COMMD1: variants seen among roughly 807,000 people sequenced by gnomAD.
The protein encoded by COMMD1 is copper metabolism domain containing 1, also known as COMM domain-containing protein 1.
In COMMD1, 10 loss-of-function variants were observed where a neutral mutation model predicts 17.2. The ratio of observed to expected loss-of-function variants is 0.58; its 90% CI spans 0.36 to 0.99. The LOEUF (loss-of-function observed/expected upper bound fraction) is 0.99, where lower values mean the gene tolerates loss of function less well. Ranked by LOEUF, COMMD1 falls within the 50% of genes least tolerant of loss-of-function variation. The pLI is 0.01. For synonymous variants in COMMD1, 97 were observed against 91.6 expected (o/e 1.06, Z -0.34); for missense variants, 270 against 231.8 (o/e 1.17, Z -1.07).
At chr2:62,066,674 T>C (rs1558584363) in intron 2 of COMMD1, among the ~76,000 whole-genome samples, 2 of 151,328 alleles carry the variant, frequency 1.3e-5, no homozygotes, top group Non-Finnish European at 1.5e-5. Context: ...GTGCTGGGAT[T>C]ACAGGTGTGA....
At chr2:61,892,191 C>T (rs1260395055) in intron 1 of COMMD1, among the ~76,000 whole-genome samples, 4 of 151,862 alleles carry the variant, frequency 2.6e-5, no homozygotes, top group African/African-American at 9.7e-5. Context: ...AACAAAAATA[C>T]TTTCCTGTCA....
At chr2:62,056,491 C>T (rs1670704643) in intron 2 of COMMD1, among the ~76,000 whole-genome samples, 1 of 152,212 alleles carries the variant, frequency 6.6e-6, no homozygotes, top group African/African-American at 2.4e-5. Context: ...CATATTCAAC[C>T]TGTTCAGCGA....
At chr2:61,889,033 G>C (rs948018363) in intron 1 of COMMD1, among the ~76,000 whole-genome samples, 1 of 150,290 alleles carries the variant, frequency 6.7e-6, no homozygotes, top group African/African-American at 2.5e-5. Context: ...CTCCCGAGTA[G>C]CTGGGATTAC....
chr2:61,964,968 G>A (rs895441180), intron 1 of COMMD1, among the ~76,000 whole-genome samples: 3 of 152,108 alleles, frequency 2.0e-5, no homozygotes, highest in Non-Finnish European at 4.4e-5. Context: ...CCTGGGAGGC[G>A]GAGGTTGCAG....
At chr2:62,128,668 C>A (rs991567160) in intron 2 of COMMD1, among the ~76,000 whole-genome samples, 1 of 151,862 alleles carries the variant, frequency 6.6e-6, no homozygotes, top group African/African-American at 2.4e-5. Flanking sequence ...TAAGATATTT[C>A]AAGACCAGGC....
intron 2 of COMMD1, among the ~76,000 whole-genome samples, chr2:62,014,184 A>G (rs933149082): frequency 1.3e-5 from 2 of 152,202 alleles, no homozygotes; most frequent in Non-Finnish European, 2.9e-5. Context: ...GCCAGCACGC[A>G]GCCCCTGGTG....
At chr2:62,057,909 AC>A (rs1670753713) in intron 2 of COMMD1, among the ~76,000 whole-genome samples, 1 of 151,738 alleles carries the variant, frequency 6.6e-6, no homozygotes, top group South Asian at 2.1e-4. Context: ...TTTCTTCTTG[AC>A]CCATGGTTTA....
intron 2 of COMMD1, among the ~76,000 whole-genome samples, chr2:62,125,935 C>T (rs558897899): frequency 2.6e-5 from 4 of 152,220 alleles, no homozygotes; most frequent in African/African-American, 4.8e-5. Context: ...ACTTCACCCC[C>T]GACAGGCCCC....
chr2:62,052,279 T>A lies in COMMD1; in HGVS notation c.462+51297T>A, dbSNP rs11693681. 3.0e-3 allele frequency among the ~76,000 whole-genome samples: 462 copies of A among 152,262 alleles called. 2 individuals carry two copies. The highest frequency in any genetic ancestry group is 0.019 in the South Asian group (93 of 4,828). ...CAGCCTTGGCAACATGGTGAAACCC[T>A]GTTTCTACCAAAAATACAAAAATTA... On this transcript the variant is annotated intron_variant, in intron 2 of 2. Coordinates refer to ENST00000311832, the MANE Select transcript of COMMD1 (RefSeq NM_152516.4).
rs763006415 is a variant in COMMD1 at position 62,135,890 on chromosome 2, G to T, written c.522G>T (p.Thr174=). ...TCAAAGTCAACCAAATTCTGAAGAC[G>T]CTGTCAGAGGTAGAAGAAAGTATCA... The part of the protein sequence containing the change: ...DEVKVNQILK[T]LSEVEESIST... The change falls in exon 3 of 3, where the codon ACG becomes ACT. Residue 174 remains threonine, a synonymous_variant. Coordinates refer to ENST00000311832, the MANE Select transcript of COMMD1 (RefSeq NM_152516.4). The T allele has an allele frequency of 6.2e-7, 1 of 1,605,250 alleles. No homozygotes were observed. Among genetic ancestry groups the T allele is most frequent in the South Asian group, 1.1e-5 (1 of 90,910 alleles).
chr2:62,121,693 G>C (rs1672752057), intron 2 of COMMD1, among the ~76,000 whole-genome samples: 1 of 148,762 alleles, frequency 6.7e-6, no homozygotes, highest in African/African-American at 2.5e-5. Context: ...AGCTGAGATT[G>C]AGCCACTGCA....
chr2:61,889,129 C>G (rs995902293), intron 1 of COMMD1, among the ~76,000 whole-genome samples: 4 of 150,932 alleles, frequency 2.7e-5, no homozygotes, highest in Admixed American at 2.0e-4. Flanking sequence ...TCTCGAACTC[C>G]CGACCTCAGG....
chr2:62,101,871 G>A (rs1311574205), intron 2 of COMMD1, among the ~76,000 whole-genome samples: 2 of 152,094 alleles, frequency 1.3e-5, no homozygotes, highest in Admixed American at 6.5e-5. Flanking sequence ...GGTTTTTATG[G>A]TGTCTGTCTC....
upstream of COMMD1, among the ~76,000 whole-genome samples, chr2:61,901,130 A>G (rs1358849683): frequency 6.6e-6 from 1 of 151,820 alleles, no homozygotes; most frequent in Non-Finnish European, 1.5e-5. Context: ...TATCTTTAGT[A>G]GAGACAGGGT....
intron 2 of COMMD1, among the ~76,000 whole-genome samples, chr2:62,030,125 G>A (rs1435685966): frequency 6.6e-6 from 1 of 152,224 alleles, no homozygotes; most frequent in African/African-American, 2.4e-5. Flanking sequence ...CCCTCTCAGA[G>A]CATGCATTTC....
chr2:61,905,905 C>A, intron 1 of COMMD1, 47 bp downstream of exon 1: 5 of 1,594,848 alleles, frequency 3.1e-6, no homozygotes, highest in Non-Finnish European at 4.3e-6. Context: ...AACCCCTTGG[C>A]CGCTGGCTTC....
At chr2:62,006,857 A>T (rs1387413344) in intron 2 of COMMD1, among the ~76,000 whole-genome samples, 1 of 152,138 alleles carries the variant, frequency 6.6e-6, no homozygotes, top group Non-Finnish European at 1.5e-5. Context: ...CTAACTGGGG[A>T]GAAGGGATGG....
intron 2 of COMMD1, among the ~76,000 whole-genome samples, chr2:62,129,605 G>A (rs189501377): frequency 1.4e-4 from 22 of 152,276 alleles, no homozygotes; most frequent in African/African-American, 5.3e-4. Flanking sequence ...AAGATGTTTT[G>A]AACTTCTCTG....
intron 2 of COMMD1, among the ~76,000 whole-genome samples, chr2:62,003,248 C>A (rs1364848716): frequency 0.011 from 1,444 of 136,484 alleles, 35 homozygotes; most frequent in African/African-American, 0.04. Flanking sequence ...AAAAACAAAA[C>A]AAAACAAAAC....
Sources: gnomAD v4.1 joint callset for allele counts (sites outside exome capture counted in the v4.1 genomes callset) on GRCh38, gnomAD v4.1.1 for gene constraint, MANE v1.5 for transcripts, NCBI Gene and HGNC (gene_info 2026-07-23, HGNC 2026-07-21) for gene names.